The following PRKD1 variants were observed in gnomAD, a reference collection of about 807,000 sequenced individuals.
The protein encoded by PRKD1 is serine/threonine-protein kinase D1.
Under a neutral mutation model 95.9 loss-of-function variants are expected in PRKD1, and 63 were observed. The ratio of observed to expected loss-of-function variants is 0.66; its 90% CI spans 0.54 to 0.81. The LOEUF (loss-of-function observed/expected upper bound fraction) is 0.81, where lower values mean the gene tolerates loss of function less well. PRKD1 is among the 30% of genes least tolerant of loss of function. The probability of loss-of-function intolerance (pLI) is 0.00; values close to 1 mark genes in which losing one functional copy is unlikely to be tolerated. For synonymous variants in PRKD1, 425 were observed against 423.1 expected (o/e 1.00, Z -0.05); for missense variants, 1,048 against 1,165.3 (o/e 0.90, Z 1.47).
chr14:29,826,563 A>AAT (rs143336664), intron 1 of PRKD1, among the ~76,000 whole-genome samples: 9 of 51,486 alleles, frequency 1.7e-4, no homozygotes, highest in Non-Finnish European at 3.1e-4. Flanking sequence ...TATATGATGG[A>AAT]ATATATATAT....
chr14:29,923,113 C>T (rs1354663021), intron 1 of PRKD1, among the ~76,000 whole-genome samples: 5 of 151,492 alleles, frequency 3.3e-5, no homozygotes, highest in Non-Finnish European at 5.9e-5. Flanking sequence ...TACCTGTAGA[C>T]CCAGCTACTC....
intron 4 of PRKD1, among the ~76,000 whole-genome samples, chr14:29,641,612 T>C (rs556718893): frequency 6.6e-6 from 1 of 152,186 alleles, no homozygotes; most frequent in Non-Finnish European, 1.5e-5. Context: ...CACATTTGCA[T>C]GTGCTTTCCC....
chr14:29,709,925 C>T (rs893131122), intron 2 of PRKD1, among the ~76,000 whole-genome samples: 4 of 152,124 alleles, frequency 2.6e-5, no homozygotes, highest in Non-Finnish European at 5.9e-5. Context: ...AACTCCATGG[C>T]CCAGTCAAGT....
At chr14:29,916,333 C>T (rs187864293) in intron 1 of PRKD1, among the ~76,000 whole-genome samples, 6 of 152,296 alleles carry the variant, frequency 3.9e-5, no homozygotes, top group Non-Finnish European at 8.8e-5. Flanking sequence ...TCTAGCGTGG[C>T]CATTTCTTCT....
chr14:29,647,994 T>C (rs1480786943), intron 4 of PRKD1, among the ~76,000 whole-genome samples: 1 of 152,156 alleles, frequency 6.6e-6, no homozygotes, highest in African/African-American at 2.4e-5. Context: ...GAAAAACATG[T>C]CCTATAACTT....
chr14:29,635,478 T>C (rs1279169459), intron 7 of PRKD1, among the ~76,000 whole-genome samples: 1 of 152,156 alleles, frequency 6.6e-6, no homozygotes, highest in Non-Finnish European at 1.5e-5. Flanking sequence ...CATTATGCCA[T>C]TAAATGGAAA....
chr14:29,772,442 A>C (rs35975962), intron 1 of PRKD1, among the ~76,000 whole-genome samples: 22,632 of 152,176 alleles, frequency 0.15, 2,002 homozygotes, highest in South Asian at 0.23. Context: ...TGGACTTGTG[A>C]GCAATACATT....
chr14:29,733,108 A>T (rs961970872), intron 1 of PRKD1, among the ~76,000 whole-genome samples: 119 of 138,920 alleles, frequency 8.6e-4, no homozygotes, highest in African/African-American at 2.5e-3. Context: ...TTATTTATTT[A>T]TTTTTTTTTT....
rs1893417941 is a variant in PRKD1, at chr14:29,599,105, G to A, written c.2088C>T (p.His696=). The A allele has an allele frequency of 6.2e-7, 1 of 1,613,390 alleles. No individual in the cohort carries two copies. The highest frequency in any genetic ancestry group is 8.5e-7 in the Non-Finnish European group (1 of 1,179,564). Residue 696 remains histidine, a synonymous_variant, in exon 15 of 18, where the codon CAC becomes CAT. Transcript: ENST00000331968. The part of the protein sequence containing the change: ...LITQILVALR[H]LHFKNIVHCD... ...AGTGAACGATATTTTTAAAATGAAG[G>A]TGCCGCAAAGCCACGAGTATCTGTA...
At chr14:29,861,962 GT>G (rs1892726900) in intron 1 of PRKD1, among the ~76,000 whole-genome samples, 1 of 151,954 alleles carries the variant, frequency 6.6e-6, no homozygotes, top group East Asian at 1.9e-4. Context: ...CAAATACTAG[GT>G]TTTATTCATT....
intron 1 of PRKD1, among the ~76,000 whole-genome samples, chr14:29,835,572 T>G (rs1215247135): frequency 6.6e-6 from 1 of 152,110 alleles, no homozygotes; most frequent in Non-Finnish European, 1.5e-5. Flanking sequence ...CTTTATTTAT[T>G]TATTTATTTA....
intron 2 of PRKD1, among the ~76,000 whole-genome samples, chr14:29,697,173 AC>A (rs368608507): frequency 1.1e-4 from 16 of 150,874 alleles, no homozygotes; most frequent in African/African-American, 2.7e-4. Flanking sequence ...TAAAAAAAAA[AC>A]AAACAAACAA....
At chr14:29,814,109 A>G (rs1890598157) in intron 1 of PRKD1, among the ~76,000 whole-genome samples, 2 of 152,208 alleles carry the variant, frequency 1.3e-5, no homozygotes, top group South Asian at 2.1e-4. Context: ...CTGACTTTTT[A>G]TTTTCTCTTT....
At chr14:29,810,671 ATTGTGG>A (rs1271865506) in intron 1 of PRKD1, among the ~76,000 whole-genome samples, 1 of 152,252 alleles carries the variant, frequency 6.6e-6, no homozygotes, top group Non-Finnish European at 1.5e-5. Flanking sequence ...CATTGGTCTT[ATTGTGG>A]TGACATTAGC....
intron 2 of PRKD1, among the ~76,000 whole-genome samples, chr14:29,706,600 A>T (rs914138759): frequency 5.9e-5 from 9 of 152,308 alleles, no homozygotes; most frequent in African/African-American, 2.2e-4. Flanking sequence ...TCATTGCCAG[A>T]TGTTGCACAA....
chr14:29,769,371 C>A (rs747753024), intron 1 of PRKD1, among the ~76,000 whole-genome samples: 2 of 151,984 alleles, frequency 1.3e-5, no homozygotes, highest in Non-Finnish European at 2.9e-5. Flanking sequence ...GAATTTAAGA[C>A]CAGCCTGGGC....
At chr14:29,817,815 A>G (rs922173103) in intron 1 of PRKD1, among the ~76,000 whole-genome samples, 2 of 152,174 alleles carry the variant, frequency 1.3e-5, no homozygotes, top group African/African-American at 2.4e-5. Context: ...TCCAATAAAG[A>G]AAGAAAAGAA....
chr14:29,709,522 G>C (rs1248699503), intron 2 of PRKD1, among the ~76,000 whole-genome samples: 1 of 152,140 alleles, frequency 6.6e-6, no homozygotes, highest in Non-Finnish European at 1.5e-5. Flanking sequence ...GAACCAATAA[G>C]AGAAATAGAT....
Position 29,725,600 on chromosome 14 carries a change from G to T in PRKD1, c.339C>A (p.Ile113=). 1 of 1,613,810 alleles carries T rather than the reference G, an allele frequency of 6.2e-7. No individual in the cohort carries two copies. Among genetic ancestry groups the T allele is most frequent in the Non-Finnish European group, 8.5e-7 (1 of 1,179,780 alleles). The change falls in exon 2 of 18, where the codon ATC becomes ATA. Residue 113 remains isoleucine, a synonymous_variant. Transcript: ENST00000331968. ...LFRHDPTSEN[I]LQLVKAASDI... ...CACTGGCCGCTTTCACCAGCTGAAG[G>T]ATGTTTTCAGAGGTAGGGTCATGGC...
Sources: gnomAD v4.1 joint callset for allele counts (sites outside exome capture counted in the v4.1 genomes callset) on GRCh38, gnomAD v4.1.1 for gene constraint, MANE v1.5 for transcripts, NCBI Gene and HGNC (gene_info 2026-07-23, HGNC 2026-07-21) for gene names.